SRFBP1: variants seen among roughly 807,000 people sequenced by gnomAD.
SRFBP1 encodes serum response factor binding protein 1, also known as serum response factor-binding protein 1.
SRFBP1 carries 47 observed loss-of-function variants against 45.5 expected under a neutral mutation model. The ratio of observed to expected loss-of-function variants is 1.03; its 90% CI spans 0.82 to 1.32. The LOEUF is 1.32. SRFBP1 is among the 40% of genes most tolerant of loss of function. SRFBP1 has a pLI of 0.00. For synonymous variants in SRFBP1, 203 were observed against 166.3 expected (o/e 1.22, Z -1.70); for missense variants, 621 against 484.6 (o/e 1.28, Z -2.64).
intron 4 of SRFBP1, among the ~76,000 whole-genome samples, chr5:122,006,473 A>G (rs1212853530): frequency 6.6e-6 from 1 of 151,748 alleles, no homozygotes; most frequent in Non-Finnish European, 1.5e-5. Context: ...TTATTTCTTT[A>G]TGTAAGCATT....
intron 2 of SRFBP1, among the ~76,000 whole-genome samples, chr5:122,036,353 G>T (rs976025066): frequency 6.6e-6 from 1 of 152,008 alleles, no homozygotes. Flanking sequence ...AAAAACCATA[G>T]ACCCCAAGGA....
intron 7 of SRFBP1, 101 bp downstream of exon 7, chr5:122,022,508 T>G: frequency 1.1e-6 from 1 of 927,814 alleles, no homozygotes; most frequent in East Asian, 2.8e-5. Context: ...CCTGAATGAA[T>G]TATGTACCCA....
rs183462004 is a variant in SRFBP1, at chr5:122,020,404, T to C, written c.669T>C (p.Ala223=). 1.2e-4 allele frequency: 190 copies of C among 1,614,138 alleles called. No individual in the cohort carries two copies. The highest frequency in any genetic ancestry group is 8.3e-4 in the Admixed American group (50 of 60,028). Residue 223 remains alanine (A), a synonymous_variant, in exon 6 of 8, where the codon GCT becomes GCC. Coordinates refer to ENST00000339397, the MANE Select transcript of SRFBP1 (RefSeq NM_152546.3). ...VVSLESQKTP[A]DPKLKTLSQT... is the part of the protein sequence containing the mutation. ...CCCTTGAGTCCCAGAAGACACCTGC[T>C]GACCCAAAACTGAAAACTCTAAGTC...
chr5:121,991,331 A>T (rs1440968723), intron 3 of SRFBP1, among the ~76,000 whole-genome samples: 1 of 152,126 alleles, frequency 6.6e-6, no homozygotes, highest in Non-Finnish European at 1.5e-5. Context: ...ATAAAAAAAA[A>T]GTTGTTTAAA....
intron 3 of SRFBP1, among the ~76,000 whole-genome samples, chr5:121,975,892 A>T (rs993220970): frequency 9.9e-5 from 15 of 151,032 alleles, no homozygotes; most frequent in African/African-American, 3.6e-4. Flanking sequence ...TTTTTTTTTC[A>T]GTCAGACTCT....
chr5:122,072,618 G>A (rs1444083572), intron 2 of SRFBP1, among the ~76,000 whole-genome samples: 1 of 152,112 alleles, frequency 6.6e-6, no homozygotes, highest in Non-Finnish European at 1.5e-5. Flanking sequence ...GTGATTGAGA[G>A]ACTATTTTTT....
Position 121,961,986 on chromosome 5 carries a change from G to T in SRFBP1, c.-47G>T. ...GTGGCGACGCAGCCGCGGTCTGAGA[G>T]ACCGGTTCACGTGCAGGCAGCGGCG... On this transcript the variant is annotated 5_prime_UTR_variant, in exon 1 of 8. Coordinates refer to ENST00000339397, the MANE Select transcript of SRFBP1 (RefSeq NM_152546.3). 1.2e-6 allele frequency: 2 copies of T among 1,613,366 alleles called. No homozygotes were observed. Among genetic ancestry groups the T allele is most frequent in the South Asian group, 1.1e-5 (1 of 91,066 alleles).
rs1019672833 is a variant in SRFBP1 at position 122,034,392 on chromosome 5, A to G, written n.311+11985A>G. Among the ~76,000 whole-genome samples, 3 of 151,966 alleles carry G rather than the reference A, an allele frequency of 2.0e-5. No individual in the cohort carries two copies. In the East Asian group the frequency reaches 5.8e-4, roughly 29 times the overall value. ...AAAATCTTAAATTTGGTATTTAGGA[A>G]GGTTTATGTTTCTGTTGTCCTTTTG... On this transcript the variant is annotated intron_variant and non_coding_transcript_variant, in intron 2 of 2. Coordinates refer to the SRFBP1 transcript ENST00000504881.
At chr5:122,049,440 C>T (rs1753927026) in intron 2 of SRFBP1, among the ~76,000 whole-genome samples, 1 of 152,058 alleles carries the variant, frequency 6.6e-6, no homozygotes, top group Non-Finnish European at 1.5e-5. Context: ...GACTTTAACA[C>T]CCCACTGTCA....
At chr5:121,989,109 G>A (rs1302731568) in intron 3 of SRFBP1, among the ~76,000 whole-genome samples, 3 of 152,082 alleles carry the variant, frequency 2.0e-5, no homozygotes, top group African/African-American at 7.2e-5. Context: ...CTATTGCCAG[G>A]CTGGAGTGCA....
Position 122,022,404 on chromosome 5 carries a change from C to A in SRFBP1, c.1102C>A (p.Leu368Ile). ...AGAACAGGCTCCAAAAACAAGATCCCTAGGTATGTATTCATAGTTGCCTGA... is the reference window on the plus strand; with the variant it reads ...AGAACAGGCTCCAAAAACAAGATCCATAGGTATGTATTCATAGTTGCCTGA... ...FKEQAPKTRSLDFPQNEPQIK... is the reference protein window; with the variant it reads ...FKEQAPKTRSIDFPQNEPQIK... The change falls in exon 7 of 8, where the codon CTA becomes ATA. Residue 368 changes from leucine to isoleucine, a missense_variant. Transcript: ENST00000339397. The A allele has an allele frequency of 6.2e-7, 1 of 1,611,162 alleles. No individual in the cohort carries two copies. The highest frequency in any genetic ancestry group is 1.1e-5 in the South Asian group (1 of 90,394).
chr5:122,026,569 A>C (rs1753484719), intron 7 of SRFBP1, among the ~76,000 whole-genome samples: 1 of 152,214 alleles, frequency 6.6e-6, no homozygotes, highest in Admixed American at 6.5e-5. Context: ...TGCTTCATGT[A>C]CACAGATATC....
Position 122,027,577 on chromosome 5 carries a change from G to A in SRFBP1, c.*451G>A, listed in dbSNP as rs1753510480. ...CTCTTTAGTGCTTATCATGAAATGT[G>A]CTTCACTGGTTCAGCTCTGTTGTTT... On this transcript the variant is annotated 3_prime_UTR_variant, in exon 8 of 8. Transcript: ENST00000339397. 6.6e-6 allele frequency: 1 copy of A among 152,042 alleles called. No individual in the cohort carries two copies. Among genetic ancestry groups the A allele is most frequent in the Non-Finnish European group, 1.5e-5 (1 of 68,060 alleles). 9.4% of individuals were successfully genotyped at this position (152,042 alleles called of 1,614,324 possible).
At chr5:122,047,151 G>A (rs138526777) in intron 2 of SRFBP1, among the ~76,000 whole-genome samples, 3,535 of 152,264 alleles carry the variant, frequency 0.023, 60 homozygotes, top group Non-Finnish European at 0.037. Context: ...TATTGCCTAG[G>A]TTCTCTTCTA....
intron 2 of SRFBP1, among the ~76,000 whole-genome samples, chr5:122,071,031 C>T (rs149442733): frequency 1.0e-3 from 158 of 151,962 alleles, no homozygotes; most frequent in Non-Finnish European, 1.8e-3. Context: ...TTGTGGATAG[C>T]TTTTACAGTG....
intron 7 of SRFBP1, among the ~76,000 whole-genome samples, chr5:122,024,296 C>G (rs1481794970): frequency 2.6e-5 from 4 of 152,202 alleles, no homozygotes; most frequent in African/African-American, 9.6e-5. Context: ...GCTTACTTCT[C>G]ATTCTCAGTT....
intron 4 of SRFBP1, among the ~76,000 whole-genome samples, chr5:122,010,330 A>C (rs766223696): frequency 6.6e-6 from 1 of 152,080 alleles, no homozygotes; most frequent in Non-Finnish European, 1.5e-5. Context: ...TTAGTTGACT[A>C]TAGGACATAT....
chr5:122,008,722 G>A (rs898313737), intron 4 of SRFBP1, among the ~76,000 whole-genome samples: 3 of 152,094 alleles, frequency 2.0e-5, no homozygotes, highest in Non-Finnish European at 4.4e-5. Flanking sequence ...GAGCCCTAGA[G>A]AGTCCTGTTC....
At chr5:122,077,591 G>T (rs141394149), downstream of SRFBP1, 1 of 1,612,544 alleles carries the variant, frequency 6.2e-7, no homozygotes, top group East Asian at 2.2e-5. The surrounding 1 kb of genome is among the most constrained non-coding windows in gnomAD (Gnocchi z 4.9). Flanking sequence ...GCGGGCTCTA[G>T]ATGTCGAGTA....
Sources: allele counts gnomAD v4.1 joint callset (sites outside exome capture counted in the v4.1 genomes callset), GRCh38; gene constraint gnomAD v4.1.1; non-coding constraint Gnocchi (gnomAD v3.1); transcripts MANE v1.5; gene names NCBI Gene and HGNC (gene_info 2026-07-23, HGNC 2026-07-21).